Variants in ULK2 observed in about 807,000 individuals in gnomAD.
The protein encoded by ULK2 is unc-51 like autophagy activating kinase 2, also known as serine/threonine-protein kinase ULK2.
Under a neutral mutation model 127.5 loss-of-function variants are expected in ULK2, and 76 were observed. The ratio of observed to expected loss-of-function variants is 0.60; its 90% confidence interval spans 0.50 to 0.72. The LOEUF (loss-of-function observed/expected upper bound fraction) is 0.72. Ranked by LOEUF, ULK2 falls within the 30% of genes least tolerant of loss-of-function variation. ULK2 has a pLI of 0.00. For synonymous variants in ULK2, 452 were observed against 461.9 expected (o/e 0.98, Z 0.28); for missense variants, 1,144 against 1,295.9 (o/e 0.88, Z 1.80).
chr17:19,791,264 CAACAACCA>C (rs1240395318), intron 20 of ULK2, among the ~76,000 whole-genome samples: 2 of 152,176 alleles, frequency 1.3e-5, no homozygotes, highest in Non-Finnish European at 2.9e-5. Flanking sequence ...TAAACAACAA[CAACAACCA>C]GGTGTAGCGG....
intron 26 of ULK2, among the ~76,000 whole-genome samples, chr17:19,777,096 C>T (rs201036452): frequency 6.6e-6 from 1 of 151,478 alleles, no homozygotes; most frequent in Non-Finnish European, 1.5e-5. Context: ...TACCTACCTA[C>T]CTATCTACCT....
intron 10 of ULK2, among the ~76,000 whole-genome samples, chr17:19,834,861 G>A (rs1280687854): frequency 1.3e-5 from 2 of 150,482 alleles, no homozygotes; most frequent in Non-Finnish European, 3.0e-5. Context: ...AGTGAGGCTT[G>A]TTTTTACCAC....
intron 10 of ULK2, among the ~76,000 whole-genome samples, chr17:19,837,471 A>G (rs866346092): frequency 3.3e-5 from 5 of 152,130 alleles, no homozygotes; most frequent in Non-Finnish European, 7.4e-5. Context: ...CAACTCCCCA[A>G]TCTGTCCCCA....
At chr17:19,834,076 C>T (rs1195266213) in intron 10 of ULK2, among the ~76,000 whole-genome samples, 1 of 152,104 alleles carries the variant, frequency 6.6e-6, no homozygotes, top group African/African-American at 2.4e-5. Flanking sequence ...AGAAAAATGA[C>T]TCATCACCTA....
At chr17:19,838,652 C>T in intron 9 of ULK2, 69 bp from the exon 10 acceptor site, 2 of 1,364,520 alleles carry the variant, frequency 1.5e-6, no homozygotes, top group Non-Finnish European at 2.1e-6. Flanking sequence ...CTTTTGCCTT[C>T]CATATAGTAA....
chr17:19,776,359 G>A lies in ULK2; in HGVS notation c.3101C>T (p.Ala1034Val), dbSNP rs1312676661. Reference sequence around the variant, plus strand: ...GGATGAGCCTGCTGCTCACACGGTTGCGGTGCTATGGCAGAGCGCCGACAG... The same window carrying A: ...GGATGAGCCTGCTGCTCACACGGTTACGGTGCTATGGCAGAGCGCCGACAG... ...RRLSALCHST[A>V]TV The change falls in exon 27 of 27, where the codon GCA becomes GTA. Residue 1034 changes from alanine (A) to valine (V), a missense_variant. By Grantham distance (64) the Ala-to-Val change is moderately conservative. Around this residue, in one of 2 missense-constraint regions of ULK2, gnomAD observed 913 missense variants for 970.5 expected, o/e 0.94. Transcript: ENST00000395544. 1.2e-6 allele frequency: 2 copies of A among 1,605,590 alleles called. No homozygotes were observed. Among genetic ancestry groups the A allele is most frequent in the African/African-American group, 2.7e-5 (2 of 74,660 alleles).
At chr17:19,863,686 T>A (rs1432390494) in intron 3 of ULK2, among the ~76,000 whole-genome samples, 1 of 151,950 alleles carries the variant, frequency 6.6e-6, no homozygotes, top group Non-Finnish European at 1.5e-5. Context: ...TTGAAGGATT[T>A]TTTAACATAA....
chr17:19,796,906 C>T (rs1364299149), intron 18 of ULK2, among the ~76,000 whole-genome samples: 1 of 152,170 alleles, frequency 6.6e-6, no homozygotes, highest in Non-Finnish European at 1.5e-5. Context: ...CCTCAATTTC[C>T]TTTTTTCAGG....
At chr17:19,793,067 C>T (rs1381327193) in intron 20 of ULK2, among the ~76,000 whole-genome samples, 1 of 152,114 alleles carries the variant, frequency 6.6e-6, no homozygotes, top group Non-Finnish European at 1.5e-5. Flanking sequence ...AATTGACTCA[C>T]AGTTAAGAAT....
chr17:19,781,195 T>C, intron 23 of ULK2, 91 bp from the exon 24 acceptor site: 1 of 962,184 alleles, frequency 1.0e-6, no homozygotes, highest in Non-Finnish European at 1.5e-6. Context: ...AAATTGCCTT[T>C]CTATAAAGGA....
chr17:19,811,444 T>A (rs577772239), intron 13 of ULK2, among the ~76,000 whole-genome samples: 58 of 152,034 alleles, frequency 3.8e-4, no homozygotes, highest in African/African-American at 1.3e-3. Context: ...TTTTTTTTTT[T>A]AATTTATGTA....
At chr17:19,840,131 G>C (rs906152865) in intron 9 of ULK2, 3 of 386,452 alleles carry the variant, frequency 7.8e-6, no homozygotes, top group Non-Finnish European at 1.6e-5. Context: ...CCAAGATGTC[G>C]TTCCCAAAGT....
chr17:19,795,982 T>C, intron 19 of ULK2, 113 bp downstream of exon 19: 3 of 1,406,734 alleles, frequency 2.1e-6, no homozygotes, highest in South Asian at 1.4e-5. Context: ...TCAATAACCA[T>C]ATGGCATAAA....
chr17:19,814,439 T>TACATATATATATATATA (rs1491246393), intron 13 of ULK2, among the ~76,000 whole-genome samples: 2 of 9,994 alleles, frequency 2.0e-4, no homozygotes, highest in Admixed American at 1.4e-3. Context: ...TATATATATA[T>TACATATATATATATATA]TTTTTTTTTT....
At chr17:19,790,064 T>G (rs966764408) in intron 20 of ULK2, among the ~76,000 whole-genome samples, 1 of 151,976 alleles carries the variant, frequency 6.6e-6, no homozygotes, top group Non-Finnish European at 1.5e-5. Flanking sequence ...AGCAAGGAGA[T>G]AGAGTATTTT....
intron 5 of ULK2, among the ~76,000 whole-genome samples, chr17:19,847,642 C>G (rs754380162): frequency 9.7e-4 from 148 of 152,260 alleles, no homozygotes; most frequent in African/African-American, 3.3e-3. Context: ...CTCCGCCTCC[C>G]GGGTTCAAGA....
In ULK2 at chr17:19,849,757, G is replaced by A; in HGVS notation, c.243C>T (p.Val81=). The A allele has an allele frequency of 6.5e-7, 1 of 1,535,158 alleles. No individual in the cohort carries two copies. Among genetic ancestry groups the A allele is most frequent in the Non-Finnish European group, 8.8e-7 (1 of 1,138,442 alleles). Residue 81 remains valine (V), a synonymous_variant, in exon 4 of 27, where the codon GTC becomes GTT. Coordinates refer to ENST00000395544, the MANE Select transcript of ULK2 (RefSeq NM_014683.4). The part of the protein sequence containing the change: ...LYDVQELPNS[V]FLVMEYCNGG... ...TACTACCTACCTCCATCACCAAAAAGACAGAGTTGGGTAATTCCTGAAAAG... is the reference window on the plus strand; with the variant it reads ...TACTACCTACCTCCATCACCAAAAAAACAGAGTTGGGTAATTCCTGAAAAG...
Position 19,865,798 on chromosome 17 carries a change from T to C in ULK2, c.121A>G (p.Ile41Val), listed in dbSNP as rs1433718742. ...GATTTTGACAAGTTCTTTTTATTAA[T>C]ACTTTTAATAGCTACCTCCCAATCA... ...KTDWEVAIKS[I>V]NKKNLSKSQI... The change falls in exon 2 of 27, where the codon ATT becomes GTT. Residue 41 changes from isoleucine to valine, a missense_variant. Physicochemically the swap from Ile to Val is conservative, Grantham distance 29. Around this residue, in one of 2 missense-constraint regions of ULK2, gnomAD observed 231 missense variants for 325.4 expected, o/e 0.71. Coordinates refer to ENST00000395544, the MANE Select transcript of ULK2 (RefSeq NM_014683.4). 6.4e-6 allele frequency: 10 copies of C among 1,563,872 alleles called. No individual in the cohort carries two copies. The highest frequency in any genetic ancestry group is 7.9e-6 in the Non-Finnish European group (9 of 1,141,864).
intron 11 of ULK2, among the ~76,000 whole-genome samples, chr17:19,825,712 T>TGTGG (rs1449526266): frequency 7.2e-6 from 1 of 138,434 alleles, no homozygotes; most frequent in East Asian, 2.2e-4. Context: ...AGTAGCTGGG[T>TGTGG]GTGGTGGCTC....
Sources: gnomAD v4.1 joint callset for allele counts (sites outside exome capture counted in the v4.1 genomes callset) on GRCh38, gnomAD v4.1.1 for gene constraint, gnomAD v4.1.1 regional missense constraint, MANE v1.5 for transcripts, NCBI Gene and HGNC (gene_info 2026-07-23, HGNC 2026-07-21) for gene names.